The following YTHDF3 variants were observed in gnomAD, a reference collection of about 807,000 sequenced individuals.
The protein encoded by YTHDF3 is YTH domain-containing family protein 3.
A neutral mutation model predicts 52.5 loss-of-function variants in YTHDF3; 9 were observed. That is an observed-to-expected ratio of 0.17 (90% confidence interval 0.10 to 0.30). The LOEUF (loss-of-function observed/expected upper bound fraction) is 0.30. YTHDF3 is among the 10% of genes least tolerant of loss of function. YTHDF3 has a pLI of 1.00. For missense variants in YTHDF3, 534 were observed against 715.0 expected, an observed-to-expected ratio of 0.75 and a Z score of 2.89; for synonymous variants, 274 against 243.3, an observed-to-expected ratio of 1.13 and a Z score of -1.18.
intron 2 of YTHDF3, chr8:63,173,578 A>T (rs778838400): frequency 1.3e-6 from 1 of 792,746 alleles, no homozygotes. Context: ...ATACTGACTA[A>T]CATGTATGAG....
chr8:63,207,641 A>T (rs933783752), intron 4 of YTHDF3, among the ~76,000 whole-genome samples: 2 of 152,172 alleles, frequency 1.3e-5, no homozygotes, highest in African/African-American at 4.8e-5. Context: ...TTACAATTCA[A>T]ACTGAAACAG....
At chr8:63,174,717 T>C (rs7000981) in intron 2 of YTHDF3, among the ~76,000 whole-genome samples, 46,667 of 152,060 alleles carry the variant, frequency 0.31, 9,162 homozygotes, top group East Asian at 0.76. Flanking sequence ...TGTAGTTTCA[T>C]GTGAAAGTCT....
intron 4 of YTHDF3, among the ~76,000 whole-genome samples, chr8:63,196,605 T>C (rs1311769064): frequency 6.6e-6 from 1 of 151,432 alleles, no homozygotes; most frequent in East Asian, 1.9e-4. Context: ...ACAAAATCTT[T>C]AAAAGCTTCC....
intron 4 of YTHDF3, among the ~76,000 whole-genome samples, chr8:63,201,464 C>A (rs367575456): frequency 6.6e-6 from 1 of 152,088 alleles, no homozygotes; most frequent in East Asian, 1.9e-4. Flanking sequence ...TTCTTCATTT[C>A]GTTAACAGTT....
intron 4 of YTHDF3, among the ~76,000 whole-genome samples, chr8:63,197,321 G>GAAGAAAAT (rs1809302133): frequency 6.6e-6 from 1 of 152,076 alleles, no homozygotes; most frequent in South Asian, 2.1e-4. Flanking sequence ...CTTCTTTATA[G>GAAGAAAAT]GTGTAATCGC....
At chr8:63,188,710 T>A (rs1182457120) in intron 4 of YTHDF3, 182 of 124,768 alleles carry the variant, frequency 1.5e-3, no homozygotes, top group African/African-American at 5.5e-3. Flanking sequence ...TATTTTTTTT[T>A]TTTTTTTTTT....
intron 3 of YTHDF3, 111 bp from the exon 4 acceptor site, chr8:63,186,036 A>G (rs1274615963): frequency 1.2e-5 from 14 of 1,151,650 alleles, no homozygotes; most frequent in Non-Finnish European, 2.4e-6. Context: ...TAGAATAGGT[A>G]CATCTTTTAT....
intron 4 of YTHDF3, among the ~76,000 whole-genome samples, chr8:63,195,935 G>T (rs985682085): frequency 6.6e-6 from 1 of 152,038 alleles, no homozygotes; most frequent in Admixed American, 6.6e-5. Flanking sequence ...CCAAGTACCT[G>T]TGACTACAGG....
chr8:63,183,476 G>T (rs1808290466), intron 3 of YTHDF3, among the ~76,000 whole-genome samples: 1 of 151,972 alleles, frequency 6.6e-6, no homozygotes, highest in African/African-American at 2.4e-5. Flanking sequence ...ATTTTGTCAA[G>T]ATTTTTTTCT....
chr8:63,206,840 T>TC (rs1157431406), intron 4 of YTHDF3, among the ~76,000 whole-genome samples: 1 of 152,178 alleles, frequency 6.6e-6, no homozygotes, highest in African/African-American at 2.4e-5. Context: ...AACCGTGTTT[T>TC]AGAAATTCCA....
At chr8:63,175,205 T>C in intron 2 of YTHDF3, 126 bp from the exon 3 acceptor site, 3 of 659,594 alleles carry the variant, frequency 4.5e-6, no homozygotes, top group Non-Finnish European at 7.7e-6. Context: ...AAGAGGGTTC[T>C]TAAAAATAAC....
intron 4 of YTHDF3, among the ~76,000 whole-genome samples, chr8:63,197,318 A>G (rs918694666): frequency 6.6e-6 from 1 of 152,182 alleles, no homozygotes; most frequent in Non-Finnish European, 1.5e-5. Flanking sequence ...TTTCTTCTTT[A>G]TAGGTGTAAT....
chr8:63,189,045 T>C (rs528266067), intron 4 of YTHDF3: 1 of 152,110 alleles, frequency 6.6e-6, no homozygotes, highest in Non-Finnish European at 1.5e-5. Context: ...TCTTGAAGTA[T>C]TTTTATAATT....
At chr8:63,205,324 A>G (rs575640045) in intron 4 of YTHDF3, among the ~76,000 whole-genome samples, 7 of 152,292 alleles carry the variant, frequency 4.6e-5, no homozygotes, top group East Asian at 3.9e-4. Flanking sequence ...GTTACTTTCC[A>G]ACAACATACC....
At chr8:63,176,796 A>G (rs568250924) in intron 3 of YTHDF3, among the ~76,000 whole-genome samples, 19 of 151,448 alleles carry the variant, frequency 1.3e-4, no homozygotes, top group Admixed American at 2.0e-4. Flanking sequence ...TTCTGCCTCA[A>G]CCTCCTGAAT....
intron 3 of YTHDF3, among the ~76,000 whole-genome samples, chr8:63,182,167 C>T (rs1808183769): frequency 6.6e-6 from 1 of 151,290 alleles, no homozygotes; most frequent in Non-Finnish European, 1.5e-5. Flanking sequence ...CTCCTGGGCC[C>T]AAGCGATCCT....
chr8:63,172,120 C>A (rs1427225023), intron 2 of YTHDF3, among the ~76,000 whole-genome samples: 2 of 152,054 alleles, frequency 1.3e-5, no homozygotes, highest in African/African-American at 4.8e-5. Context: ...TCTTTATTAT[C>A]CTTGGCAAGA....
At chr8:63,201,808 C>A (rs1464499165) in intron 4 of YTHDF3, among the ~76,000 whole-genome samples, 1 of 152,194 alleles carries the variant, frequency 6.6e-6, no homozygotes, top group Admixed American at 6.5e-5. Context: ...GAAAGACAGT[C>A]TAGAATATAA....
Position 63,186,508 on chromosome 8 carries a change from T to G in YTHDF3, c.497T>G (p.Ile166Ser). The part of the protein sequence containing the change: ...GYPPSSLGRA[I>S]TDGQAGFGND... ...CCACCTAGTTCTCTTGGGAGAGCTA[T>G]TACTGATGGACAGGCTGGATTTGGC... The change falls in exon 4 of 5, where the codon ATT becomes AGT. Residue 166 changes from isoleucine to serine, a missense_variant. Physicochemically the swap from Ile to Ser is moderately radical, Grantham distance 142. This residue lies in a region of YTHDF3 where 196 missense variants were observed against 299.5 expected (regional missense o/e 0.65). Coordinates refer to ENST00000539294, the MANE Select transcript of YTHDF3 (RefSeq NM_152758.6). 6.2e-7 allele frequency: 1 copy of G among 1,614,002 alleles called. No individual in the cohort carries two copies. Among genetic ancestry groups the G allele is most frequent in the Non-Finnish European group, 8.5e-7 (1 of 1,179,882 alleles).
Sources: allele counts gnomAD v4.1 joint callset (sites outside exome capture counted in the v4.1 genomes callset), GRCh38; gene constraint gnomAD v4.1.1; regional missense constraint gnomAD v4.1.1; transcripts MANE v1.5; gene names NCBI Gene and HGNC (gene_info 2026-07-23, HGNC 2026-07-21).